TRAM1: variants seen among roughly 807,000 people sequenced by gnomAD.
TRAM1 encodes translocation associated membrane protein 1.
Under a neutral mutation model 48.7 loss-of-function variants are expected in TRAM1, and 17 were observed. The ratio of observed to expected loss-of-function variants is 0.35; its 90% CI spans 0.24 to 0.52. The LOEUF (loss-of-function observed/expected upper bound fraction) is 0.52, where lower values mean the gene tolerates loss of function less well. TRAM1 is among the 20% of genes least tolerant of loss of function. The pLI is 0.94. For missense variants in TRAM1, 351 were observed against 441.5 expected (o/e 0.79, Z 1.84); for synonymous variants, 182 against 154.0 (o/e 1.18, Z -1.34).
chr8:70,590,127 T>G (rs1327222532), intron 6 of TRAM1, among the ~76,000 whole-genome samples: 1 of 141,692 alleles, frequency 7.1e-6, no homozygotes, highest in African/African-American at 2.6e-5. Flanking sequence ...CATAAAAACT[T>G]GGGTAAGGCA....
At position 70,600,097 on chromosome 8, in the gene TRAM1, A is replaced by C. The variant is rs747378916; in HGVS notation, c.124-15T>G. On this transcript the variant is annotated splice_polypyrimidine_tract_variant and intron_variant, in intron 1 of 10. Transcript: ENST00000262213. ...TTTGCCGTTATCTACAAAGAAGGAA[A>C]AACAAAGATCAAGTCAATTTGTGAC... is the stretch of plus-strand genomic sequence containing the variant. The C allele has an allele frequency of 6.2e-7, 1 of 1,609,114 alleles. No homozygotes were observed. Among genetic ancestry groups the C allele is most frequent in the South Asian group, 1.1e-5 (1 of 90,850 alleles).
At position 70,574,479 on chromosome 8, in the gene TRAM1, G is replaced by A. The variant is rs1437167843; in HGVS notation, c.*453C>T. ...AAATTCCAAAAAATTAGAGAACACT[G>A]AAAACATATTAAAGTTTGACATCCA... On this transcript the variant is annotated 3_prime_UTR_variant, in exon 11 of 11. Coordinates refer to ENST00000262213, the MANE Select transcript of TRAM1 (RefSeq NM_014294.6). The A allele has an allele frequency of 9.5e-6, 2 of 211,330 alleles. No homozygotes were observed. Among genetic ancestry groups the A allele is most frequent in the Non-Finnish European group, 1.9e-5 (2 of 105,244 alleles). 13.1% of individuals were successfully genotyped at this position (211,330 alleles called of 1,614,324 possible).
At chr8:70,606,911 T>C in intron 1 of TRAM1, 14 of 985,154 alleles carry the variant, frequency 1.4e-5, no homozygotes, top group Non-Finnish European at 1.4e-5. Flanking sequence ...CCATTAGGTT[T>C]TCTCAAGGAT....
intron 6 of TRAM1, among the ~76,000 whole-genome samples, chr8:70,589,246 T>C (rs1399296493): frequency 2.6e-5 from 4 of 152,184 alleles, no homozygotes; most frequent in African/African-American, 7.2e-5. Flanking sequence ...GAGAAGTATC[T>C]CTGAAAATAG....
chr8:70,589,641 C>T (rs2132034034), intron 6 of TRAM1, among the ~76,000 whole-genome samples: 2 of 152,238 alleles, frequency 1.3e-5, no homozygotes, highest in South Asian at 4.1e-4. Context: ...AGTTCGAAAC[C>T]AGCCTTGGCA....
At chr8:70,575,783 C>T (rs928191617) in intron 10 of TRAM1, among the ~76,000 whole-genome samples, 1 of 151,972 alleles carries the variant, frequency 6.6e-6, no homozygotes, top group Non-Finnish European at 1.5e-5. Flanking sequence ...ATATTGAAAC[C>T]TGTGAAATAC....
In TRAM1 at chr8:70,594,660, T is replaced by C. The variant is rs1447892352; in HGVS notation, c.486-70A>G. The C allele has an allele frequency of 1.4e-5, 18 of 1,262,972 alleles. No individual in the cohort carries two copies. The Admixed American group carries it at 3.7e-4, about 26-fold the overall frequency. 78.2% of individuals were successfully genotyped at this position (1,262,972 alleles called of 1,614,324 possible). ...TTTTTAAAAAAAAGTAAACAAATAC[T>C]GGAAATCAGGATATACTAAGTAACT... On this transcript the variant is annotated intron_variant, in intron 5 of 10. Coordinates refer to ENST00000262213, the MANE Select transcript of TRAM1 (RefSeq NM_014294.6).
chr8:70,583,597 T>TATCA, intron 9 of TRAM1, 53 bp downstream of exon 9: 1 of 1,571,348 alleles, frequency 6.4e-7, no homozygotes, highest in Non-Finnish European at 8.6e-7. Flanking sequence ...GAGAAACTGA[T>TATCA]AATATATATT....
Position 70,600,217 on chromosome 8 carries a change from GA to G in TRAM1, c.124-136del. 3 of 642,718 alleles carry G rather than the reference GA, an allele frequency of 4.7e-6. No homozygotes were observed. In the South Asian group the frequency reaches 6.0e-5, roughly 13 times the overall value. 39.8% of individuals were successfully genotyped at this position (642,718 alleles called of 1,614,324 possible). ...TCCTCGTTCCTGTGGAATCCTGACAGACACAATGGAAATTACTGATTGCCAA... is the reference window on the plus strand; with the variant it reads ...TCCTCGTTCCTGTGGAATCCTGACAGCACAATGGAAATTACTGATTGCCAA... On this transcript the variant is annotated intron_variant, in intron 1 of 10. Coordinates refer to ENST00000262213, the MANE Select transcript of TRAM1 (RefSeq NM_014294.6).
Position 70,574,940 on chromosome 8 carries a change from A to T in TRAM1, c.1117T>A (p.Ser373Thr). 6.2e-7 allele frequency: 1 copy of T among 1,603,134 alleles called. No individual in the cohort carries two copies. Among genetic ancestry groups the T allele is most frequent in the Non-Finnish European group, 8.5e-7 (1 of 1,171,562 alleles). ...ADSPRNKKEK[S>T]S ...AATTAGTTTATAATTCATTATGAAGATTTCTCTTTTTTATTCCGGGGAGAG... is the reference window on the plus strand; with the variant it reads ...AATTAGTTTATAATTCATTATGAAGTTTTCTCTTTTTTATTCCGGGGAGAG... The change falls in exon 11 of 11, where the codon TCT (serine) becomes ACT (threonine). Residue 373 changes from serine (S) to threonine (T), a missense_variant. Transcript: ENST00000262213.
chr8:70,607,325 T>G, intron 1 of TRAM1: 3 of 985,458 alleles, frequency 3.0e-6, no homozygotes, highest in Non-Finnish European at 3.6e-6. Context: ...CTCGATTCCT[T>G]GGCACCGCTG....
At chr8:70,579,953 C>T (rs912616536) in intron 10 of TRAM1, among the ~76,000 whole-genome samples, 3 of 152,042 alleles carry the variant, frequency 2.0e-5, no homozygotes, top group Admixed American at 2.0e-4. Flanking sequence ...TGGATAGTAT[C>T]TTAAAGAAAA....
At chr8:70,605,170 A>G (rs2132049073) in intron 1 of TRAM1, among the ~76,000 whole-genome samples, 1 of 152,258 alleles carries the variant, frequency 6.6e-6, no homozygotes, top group South Asian at 2.1e-4. Context: ...CTATTTCCCA[A>G]TTTTGGTGAG....
At chr8:70,588,566 C>T (rs771813283) in intron 6 of TRAM1, among the ~76,000 whole-genome samples, 9 of 151,624 alleles carry the variant, frequency 5.9e-5, no homozygotes, top group African/African-American at 1.7e-4. Flanking sequence ...CCAGCCTGGG[C>T]GGCAGAGCCA....
At chr8:70,589,564 G>A (rs1462702604) in intron 6 of TRAM1, among the ~76,000 whole-genome samples, 1 of 152,172 alleles carries the variant, frequency 6.6e-6, no homozygotes, top group Non-Finnish European at 1.5e-5. Context: ...TTTAAATAAA[G>A]TGGTGGATCA....
intron 6 of TRAM1, among the ~76,000 whole-genome samples, chr8:70,589,481 T>G (rs551684830): frequency 1.3e-5 from 2 of 152,210 alleles, no homozygotes; most frequent in Non-Finnish European, 2.9e-5. Flanking sequence ...CAGTGTGGTG[T>G]GTACATTGGT....
chr8:70,605,697 C>G (rs1434235636), intron 1 of TRAM1, among the ~76,000 whole-genome samples: 1 of 152,148 alleles, frequency 6.6e-6, no homozygotes, highest in Non-Finnish European at 1.5e-5. Context: ...ATCCTAACAC[C>G]TTAATATATG....
At chr8:70,607,318 G>A (rs899109245) in intron 1 of TRAM1, 1 of 985,010 alleles carries the variant, frequency 1.0e-6, no homozygotes, top group Non-Finnish European at 1.2e-6. Context: ...AAAATTACTC[G>A]ATTCCTTGGC....
chr8:70,590,423 G>A (rs1407605510), intron 6 of TRAM1, among the ~76,000 whole-genome samples: 1 of 152,162 alleles, frequency 6.6e-6, no homozygotes, highest in Non-Finnish European at 1.5e-5. Context: ...CTTGACATTA[G>A]CTAAGGAAAA....
Sources: allele counts gnomAD v4.1 joint callset (sites outside exome capture counted in the v4.1 genomes callset), GRCh38; gene constraint gnomAD v4.1.1; transcripts MANE v1.5; gene names NCBI Gene and HGNC (gene_info 2026-07-23, HGNC 2026-07-21).